The following GPC5 variants were observed in gnomAD, a reference collection of about 807,000 sequenced individuals.
The protein encoded by GPC5 is glypican 5.
GPC5 carries 47 observed loss-of-function variants against 53.9 expected under a neutral mutation model. The observed-to-expected ratio is 0.87, with a 90% CI of 0.69 to 1.11. The LOEUF (loss-of-function observed/expected upper bound fraction) is 1.11, where lower values mean the gene tolerates loss of function less well. Ranked by LOEUF, GPC5 falls within the 50% of genes most tolerant of loss-of-function variation. The pLI is 0.00. For synonymous variants in GPC5, 286 were observed against 263.3 expected (o/e 1.09, Z -0.84); for missense variants, 748 against 713.1 (o/e 1.05, Z -0.56).
intron 6 of GPC5, among the ~76,000 whole-genome samples, chr13:92,072,600 G>T: frequency 1.9e-5 from 2 of 107,974 alleles, no homozygotes; most frequent in South Asian, 2.9e-4. Context: ...TTTATACAGA[G>T]TCTTACCCTC....
intron 1 of GPC5, among the ~76,000 whole-genome samples, chr13:91,415,676 A>G (rs886339003): frequency 1.6e-4 from 24 of 145,606 alleles, no homozygotes; most frequent in Non-Finnish European, 4.5e-5. Context: ...AAATTTAACT[A>G]TATTGAACAA....
chr13:92,130,121 AT>A (rs1481541665), intron 6 of GPC5, among the ~76,000 whole-genome samples: 1 of 152,122 alleles, frequency 6.6e-6, no homozygotes, highest in East Asian at 1.9e-4. Context: ...ATGAAATGGC[AT>A]TTTAACATGC....
In GPC5 at chr13:92,499,416, A is replaced by G. The variant is rs139341566; in HGVS notation, c.1561+354427A>G. 2.4e-3 allele frequency among the ~76,000 whole-genome samples: 369 copies of G among 152,298 alleles called. 1 individual carries two copies. Among genetic ancestry groups the G allele is most frequent in the African/African-American group, 8.1e-3 (338 of 41,562 alleles). On this transcript the variant is annotated intron_variant, in intron 7 of 7. Coordinates refer to ENST00000377067, the MANE Select transcript of GPC5 (RefSeq NM_004466.6). ...TTGCTGTTCTTTTTTTGCCTGTTCA[A>G]TAGGAAGATAATTTTCCTAGGGTTG... is the stretch of plus-strand genomic sequence containing the variant.
At chr13:92,481,958 A>G (rs1238755676) in intron 7 of GPC5, among the ~76,000 whole-genome samples, 1 of 151,986 alleles carries the variant, frequency 6.6e-6, no homozygotes, top group African/African-American at 2.4e-5. Flanking sequence ...GGGAAACCGC[A>G]TCTCTACTAA....
chr13:92,068,889 T>C (rs1199570838), intron 6 of GPC5, among the ~76,000 whole-genome samples: 2 of 151,820 alleles, frequency 1.3e-5, no homozygotes, highest in East Asian at 3.8e-4. Context: ...ATTATAAGCA[T>C]AATATAATAT....
chr13:92,317,704 G>A lies in GPC5; in HGVS notation c.1561+172715G>A, dbSNP rs560734776. Among the ~76,000 whole-genome samples, 30 of 152,080 alleles carry A rather than the reference G, an allele frequency of 2.0e-4. No individual in the cohort carries two copies. In the South Asian group the frequency reaches 5.8e-3, roughly 29 times the overall value. ...TTTACTAGAGACAGGGTTTCACCATGTTGGCCAGGCTGGTCTTAAACTCCT... is the reference window on the plus strand; with the variant it reads ...TTTACTAGAGACAGGGTTTCACCATATTGGCCAGGCTGGTCTTAAACTCCT... On this transcript the variant is annotated intron_variant, in intron 7 of 7. Coordinates refer to ENST00000377067, the MANE Select transcript of GPC5 (RefSeq NM_004466.6).
rs182100917 is a variant in GPC5 at position 92,137,150 on chromosome 13, G to A, written c.1402-7680G>A. On this transcript the variant is annotated intron_variant, in intron 6 of 7. Transcript: ENST00000377067. Reference sequence around the variant, plus strand: ...AGAACCCTGTAAATGAGCATAGTTCGTTCAAGTATATAAAGTGCTTTCCCA... The same window carrying A: ...AGAACCCTGTAAATGAGCATAGTTCATTCAAGTATATAAAGTGCTTTCCCA... 1.2e-3 allele frequency among the ~76,000 whole-genome samples: 181 copies of A among 152,114 alleles called. 1 individual carries two copies. Among genetic ancestry groups the A allele is most frequent in the African/African-American group, 2.7e-3 (114 of 41,508 alleles).
chr13:92,703,082 A>ATTTC (rs1226476096), intron 7 of GPC5, among the ~76,000 whole-genome samples: 8 of 150,590 alleles, frequency 5.3e-5, no homozygotes, highest in Middle Eastern at 3.5e-3. Context: ...TTATTTATTT[A>ATTTC]TTTATTTTAG....
chr13:92,702,785 G>T (rs1887794637), intron 7 of GPC5, among the ~76,000 whole-genome samples: 1 of 152,004 alleles, frequency 6.6e-6, no homozygotes, highest in Non-Finnish European at 1.5e-5. Flanking sequence ...CTCATTCAGA[G>T]AAAAAGCTAA....
chr13:92,119,195 A>T (rs1224903681), intron 6 of GPC5, among the ~76,000 whole-genome samples: 1 of 152,058 alleles, frequency 6.6e-6, no homozygotes, highest in Non-Finnish European at 1.5e-5. Flanking sequence ...TCCCCTTTAT[A>T]AAACCATCAG....
intron 6 of GPC5, among the ~76,000 whole-genome samples, chr13:92,136,376 A>G (rs2041784380): frequency 6.7e-6 from 1 of 149,294 alleles, no homozygotes; most frequent in Non-Finnish European, 1.5e-5. Flanking sequence ...TTTTTATTCT[A>G]TACATGATAT....
chr13:92,098,710 G>A (rs1380366190), intron 6 of GPC5, among the ~76,000 whole-genome samples: 1 of 152,130 alleles, frequency 6.6e-6, no homozygotes, highest in Admixed American at 6.5e-5. Context: ...AGCAACATTA[G>A]TCTATCTTAT....
At chr13:92,852,573 T>C (rs1302696336) in intron 7 of GPC5, among the ~76,000 whole-genome samples, 1 of 152,194 alleles carries the variant, frequency 6.6e-6, no homozygotes, top group African/African-American at 2.4e-5. Flanking sequence ...AAGCTTTTTT[T>C]ATTTTTTATT....
chr13:91,705,823 G>C (rs560194930), intron 3 of GPC5, among the ~76,000 whole-genome samples: 1 of 150,506 alleles, frequency 6.6e-6, no homozygotes, highest in South Asian at 2.1e-4. Flanking sequence ...ATTATTTAAG[G>C]TGAGCTCCTT....
intron 7 of GPC5, among the ~76,000 whole-genome samples, chr13:92,830,747 T>G (rs1878018863): frequency 6.6e-6 from 1 of 152,122 alleles, no homozygotes; most frequent in East Asian, 1.9e-4. Context: ...TTTAAATAAT[T>G]TTTTAACTTA....
At chr13:91,888,318 C>G (rs910371375) in intron 5 of GPC5, among the ~76,000 whole-genome samples, 1 of 152,130 alleles carries the variant, frequency 6.6e-6, no homozygotes, top group Admixed American at 6.5e-5. Context: ...TCCCAGGACA[C>G]GTGGGGATTA....
chr13:91,851,250 A>C (rs1313327134), intron 5 of GPC5, among the ~76,000 whole-genome samples: 17 of 152,148 alleles, frequency 1.1e-4, no homozygotes, highest in Admixed American at 1.1e-3. Context: ...TTGTAGCACA[A>C]TGGTAGGTAT....
chr13:91,923,349 G>A (rs934483510), intron 6 of GPC5, among the ~76,000 whole-genome samples: 1 of 152,142 alleles, frequency 6.6e-6, no homozygotes, highest in African/African-American at 2.4e-5. Flanking sequence ...TATATTTCTT[G>A]CAGTTCAGCA....
intron 7 of GPC5, among the ~76,000 whole-genome samples, chr13:92,237,401 G>T (rs899163403): frequency 6.6e-6 from 1 of 151,986 alleles, no homozygotes; most frequent in African/African-American, 2.4e-5. Flanking sequence ...TGTATTTTTA[G>T]TAAGGATGGG....
Sources: gnomAD v4.1 joint callset for allele counts (sites outside exome capture counted in the v4.1 genomes callset) on GRCh38, gnomAD v4.1.1 for gene constraint, MANE v1.5 for transcripts, NCBI Gene and HGNC (gene_info 2026-07-23, HGNC 2026-07-21) for gene names.